The following DMD variants were observed in gnomAD, a reference collection of about 807,000 sequenced individuals.
DMD encodes the protein dystrophin.
A neutral mutation model predicts 330.1 loss-of-function variants in DMD; 63 were observed. The ratio of observed to expected loss-of-function variants is 0.19; its 90% confidence interval spans 0.16 to 0.24. DMD has a LOEUF of 0.24. Ranked by LOEUF, DMD falls within the 10% of genes least tolerant of loss-of-function variation. The pLI is 1.00. For synonymous variants in DMD, 1,223 were observed against 959.8 expected, an observed-to-expected ratio of 1.27 and a Z score of -5.07; for missense variants, 3,344 against 2,684.1, an observed-to-expected ratio of 1.25 and a Z score of -5.43.
In DMD at chrX:32,752,530, G is replaced by A. The variant is rs190280076; in HGVS notation, c.650-53237C>T. On this transcript the variant is annotated intron_variant, in intron 7 of 78. Coordinates refer to ENST00000357033, the MANE Select transcript of DMD (RefSeq NM_004006.3). ...TTTTGATTTTATAGGCTCACAGGCA[G>A]AAGGAAATTGCCTTATCTAGGATGA... Among the ~76,000 whole-genome samples the A allele has an allele frequency of 2.3e-3, 245 of 106,499 alleles. 2 individuals are homozygous for A. The highest frequency in any genetic ancestry group is 4.2e-3 in the Non-Finnish European group (219 of 52,014). 92.5% of individuals were successfully genotyped at this position (106,499 alleles called of 115,157 possible).
chrX:33,299,334 C>T lies in DMD; in HGVS notation c.7+39925G>A, dbSNP rs187240158. On this transcript the variant is annotated intron_variant, in intron 1 of 17. Coordinates refer to the DMD transcript ENST00000288447. ...TTTGATCTGAATGGCAGTAAGTTTC[C>T]TCAGGAAAATGAAATTAATATCATC... Among the ~76,000 whole-genome samples the T allele has an allele frequency of 8.1e-5, 9 of 111,590 alleles. No individual in the cohort carries two copies. The East Asian group carries it at 2.5e-3, about 32-fold the overall frequency.
chrX:32,716,069 C>T (rs141775317), intron 7 of DMD, among the ~76,000 whole-genome samples: 139 of 111,441 alleles, frequency 1.2e-3, no homozygotes, highest in Non-Finnish European at 1.0e-3. Flanking sequence ...GTAACTTTCT[C>T]TCGTCATATA....
intron 7 of DMD, among the ~76,000 whole-genome samples, chrX:32,808,758 G>GA (rs1466225091): frequency 3.6e-5 from 4 of 111,764 alleles, no homozygotes; most frequent in Admixed American, 1.9e-4. Flanking sequence ...CCTGATTTTA[G>GA]AGTGTAGTAA....
chrX:31,524,833 T>C (rs2073126348), intron 55 of DMD, among the ~76,000 whole-genome samples: 1 of 111,624 alleles, frequency 9.0e-6, no homozygotes. Context: ...CTCATGGTTT[T>C]AAGTGTGATT....
At chrX:32,780,161 G>A (rs1056251127) in intron 7 of DMD, among the ~76,000 whole-genome samples, 2 of 111,438 alleles carry the variant, frequency 1.8e-5, no homozygotes, top group Non-Finnish European at 3.8e-5. Flanking sequence ...GTTTCTAATT[G>A]TAACAGTCAA....
chrX:31,344,175 C>A (rs150813155), intron 61 of DMD, among the ~76,000 whole-genome samples: 1 of 110,258 alleles, frequency 9.1e-6, no homozygotes, highest in African/African-American at 3.3e-5. Flanking sequence ...GGATGGCACA[C>A]CCAATTTCTG....
At chrX:32,403,280 T>G (rs747103953) in intron 30 of DMD, among the ~76,000 whole-genome samples, 9 of 111,736 alleles carry the variant, frequency 8.1e-5, no homozygotes, top group African/African-American at 2.9e-4. Flanking sequence ...TAGGATAAAT[T>G]TGGATCACTT....
At chrX:33,256,006 T>C (rs745714235) in intron 1 of DMD, among the ~76,000 whole-genome samples, 2 of 111,472 alleles carry the variant, frequency 1.8e-5, no homozygotes, top group Non-Finnish European at 3.8e-5. Flanking sequence ...TGACCATGGG[T>C]TTGAGTGAAA....
At chrX:31,994,215 A>G (rs1406025080) in intron 44 of DMD, among the ~76,000 whole-genome samples, 1 of 111,684 alleles carries the variant, frequency 9.0e-6, no homozygotes, top group Non-Finnish European at 1.9e-5. Context: ...TGCAGCACTT[A>G]AACTGGGATA....
chrX:32,221,287 C>T (rs1480452467), intron 43 of DMD, among the ~76,000 whole-genome samples: 1 of 110,845 alleles, frequency 9.0e-6, no homozygotes, highest in East Asian at 2.8e-4. Flanking sequence ...CCACATATTT[C>T]ATCTTTGATT....
At chrX:32,933,804 C>T (rs1432037836) in intron 2 of DMD, among the ~76,000 whole-genome samples, 1 of 111,488 alleles carries the variant, frequency 9.0e-6, no homozygotes, top group East Asian at 2.8e-4. Context: ...ACTAAATACC[C>T]CCTGGTCCTA....
In DMD at chrX:31,702,159, G is replaced by C. The variant is rs758182947; in HGVS notation, c.7661-22573C>G. ...TATTTGGCCACTCCTCACTCTCTTA[G>C]GCCCATTCCTTAAATGTTGCTATTC... is the stretch of plus-strand genomic sequence containing the variant. On this transcript the variant is annotated intron_variant, in intron 52 of 78. Coordinates refer to ENST00000357033, the MANE Select transcript of DMD (RefSeq NM_004006.3). 3.6e-5 allele frequency among the ~76,000 whole-genome samples: 4 copies of C among 111,637 alleles called. No homozygotes were observed. In the South Asian group the frequency reaches 1.5e-3, roughly 42 times the overall value.
intron 44 of DMD, among the ~76,000 whole-genome samples, chrX:31,981,233 A>G (rs1413705479): frequency 1.8e-5 from 2 of 111,508 alleles, no homozygotes; most frequent in African/African-American, 6.5e-5. Flanking sequence ...GTGGGGGTGT[A>G]TGTTTATTAG....
At chrX:31,809,991 T>C (rs2149382998) in intron 50 of DMD, among the ~76,000 whole-genome samples, 1 of 111,078 alleles carries the variant, frequency 9.0e-6, no homozygotes, top group South Asian at 3.9e-4. Context: ...TTTAATCTTC[T>C]TGGTATTATT....
At chrX:32,094,585 A>G (rs1191402845) in intron 44 of DMD, among the ~76,000 whole-genome samples, 1 of 112,244 alleles carries the variant, frequency 8.9e-6, no homozygotes, top group East Asian at 2.8e-4. Context: ...TTCCTTCAAC[A>G]GCATTAAGAA....
At chrX:31,487,544 T>C (rs959879100) in intron 57 of DMD, among the ~76,000 whole-genome samples, 1 of 112,126 alleles carries the variant, frequency 8.9e-6, no homozygotes, top group Non-Finnish European at 1.9e-5. Flanking sequence ...TATTGTTAAC[T>C]ATAGGCACAA....
intron 1 of DMD, among the ~76,000 whole-genome samples, chrX:33,223,313 TCAAACAAACAAA>T (rs765115414): frequency 9.0e-6 from 1 of 111,266 alleles, no homozygotes; most frequent in Admixed American, 9.6e-5. Context: ...AGACTCCATC[TCAAACAAACAAA>T]CAAACAAACA....
At chrX:31,283,606 A>C (rs946437565) in intron 62 of DMD, among the ~76,000 whole-genome samples, 1 of 111,524 alleles carries the variant, frequency 9.0e-6, no homozygotes, top group Admixed American at 9.6e-5. Context: ...TTATTTTCTA[A>C]TATGAGATTA....
At chrX:32,657,655 A>G (rs1006068250) in intron 9 of DMD, among the ~76,000 whole-genome samples, 5 of 112,141 alleles carry the variant, frequency 4.5e-5, no homozygotes, top group Non-Finnish European at 9.4e-5. Flanking sequence ...GGATGTTTCA[A>G]TAATTTTAAA....
Sources: allele counts gnomAD v4.1 joint callset (sites outside exome capture counted in the v4.1 genomes callset), GRCh38; gene constraint gnomAD v4.1.1; transcripts MANE v1.5; gene names NCBI Gene and HGNC (gene_info 2026-07-23, HGNC 2026-07-21).